The following TPST1 variants were observed in gnomAD, a reference collection of about 807,000 sequenced individuals.
The protein encoded by TPST1 is tyrosylprotein sulfotransferase 1.
Under a neutral mutation model 34.8 loss-of-function variants are expected in TPST1, and 20 were observed. That is an observed-to-expected ratio of 0.57 (90% CI 0.40 to 0.84). TPST1 has a LOEUF of 0.84. Among genes scored for constraint, TPST1 ranks in the 40% least tolerant of loss-of-function variants. The pLI, the probability that TPST1 is intolerant of heterozygous loss-of-function variation, is 0.00. For synonymous variants in TPST1, 152 were observed against 159.4 expected, an observed-to-expected ratio of 0.95 and a Z score of 0.35; for missense variants, 353 against 455.5, an observed-to-expected ratio of 0.78 and a Z score of 2.05.
rs1382213213 is a variant in TPST1, at chr7:66,280,343, A to G, written c.846-6168A>G. ...GCCAGATCTTGGGCCATCTTCTTGT[A>G]GGTCATGGGTCTGACACACATGGTT... On this transcript the variant is annotated intron_variant, in intron 2 of 5. Transcript: ENST00000304842. Among the ~76,000 whole-genome samples, 5 of 152,202 alleles carry G rather than the reference A, an allele frequency of 3.3e-5. No individual in the cohort carries two copies. In the South Asian group the frequency reaches 1.0e-3, roughly 31 times the overall value.
chr7:66,241,108 A>G lies in TPST1; in HGVS notation c.683A>G (p.Glu228Gly). Residue 228 changes from glutamate to glycine, a missense_variant, in exon 2 of 6, where the codon GAG (glutamate) becomes GGG (glycine). By Grantham distance (98) the Glu-to-Gly change is moderately conservative. Coordinates refer to ENST00000304842, the MANE Select transcript of TPST1 (RefSeq NM_003596.4). ...AIETMYNQCM[E>G]VGYKKCMLVH... ...GAGACCATGTATAACCAGTGTATGG[A>G]GGTTGGTTATAAAAAGTGCATGTTG... 1 of 1,614,114 alleles carries G rather than the reference A, an allele frequency of 6.2e-7. No homozygotes were observed. The highest frequency in any genetic ancestry group is 1.7e-5 in the Admixed American group (1 of 60,010).
At chr7:66,340,761 G>T (rs1584253770) in intron 3 of TPST1, among the ~76,000 whole-genome samples, 1 of 152,156 alleles carries the variant, frequency 6.6e-6, no homozygotes, top group South Asian at 2.1e-4. Context: ...AAAATGAAAA[G>T]ATACTTCATA....
intron 1 of TPST1, among the ~76,000 whole-genome samples, chr7:66,228,729 C>G (rs1789715857): frequency 6.6e-6 from 1 of 152,054 alleles, no homozygotes; most frequent in South Asian, 2.1e-4. Flanking sequence ...AGGATCATTC[C>G]TCTGCTATAA....
intron 1 of TPST1, among the ~76,000 whole-genome samples, chr7:66,207,151 T>C (rs1319287858): frequency 6.6e-6 from 1 of 152,202 alleles, no homozygotes; most frequent in Non-Finnish European, 1.5e-5. Context: ...ATAACTAAAC[T>C]GCTGGGTGCT....
intron 3 of TPST1, among the ~76,000 whole-genome samples, chr7:66,299,802 TA>T (rs1379414553): frequency 6.6e-6 from 1 of 152,200 alleles, no homozygotes; most frequent in Non-Finnish European, 1.5e-5. Flanking sequence ...AACATATTCA[TA>T]ATAACTTTTA....
chr7:66,346,683 G>T (rs112688406), intron 3 of TPST1, among the ~76,000 whole-genome samples: 1 of 151,934 alleles, frequency 6.6e-6, no homozygotes, highest in East Asian at 1.9e-4. Flanking sequence ...TGTATTATTC[G>T]ATTTTTTATT....
At chr7:66,286,939 G>T (rs1449968685) in intron 3 of TPST1, among the ~76,000 whole-genome samples, 1 of 137,976 alleles carries the variant, frequency 7.2e-6, no homozygotes, top group Non-Finnish European at 1.6e-5. Context: ...GTGCCATGCT[G>T]GTGCGCTGCA....
chr7:66,244,018 G>A (rs1258393531), intron 2 of TPST1, among the ~76,000 whole-genome samples: 2 of 146,940 alleles, frequency 1.4e-5, no homozygotes, highest in Non-Finnish European at 3.0e-5. Flanking sequence ...GCATGATCTC[G>A]GCTCACTGCG....
chr7:66,347,993 A>C (rs1792389947), intron 3 of TPST1, among the ~76,000 whole-genome samples: 1 of 152,192 alleles, frequency 6.6e-6, no homozygotes, highest in African/African-American at 2.4e-5. Flanking sequence ...TAAGACTTAC[A>C]GAATGAAATA....
intron 3 of TPST1, among the ~76,000 whole-genome samples, chr7:66,348,201 T>C (rs942512383): frequency 2.0e-5 from 3 of 152,136 alleles, no homozygotes; most frequent in African/African-American, 7.2e-5. Flanking sequence ...TCTATTTCTA[T>C]CTCCTTGGTC....
intron 2 of TPST1, among the ~76,000 whole-genome samples, chr7:66,265,279 G>C (rs927954172): frequency 1.3e-5 from 2 of 152,198 alleles, no homozygotes; most frequent in African/African-American, 2.4e-5. Flanking sequence ...GCCAGGTGCA[G>C]TGGCTCATGC....
At chr7:66,216,385 T>A (rs1303868585) in intron 1 of TPST1, among the ~76,000 whole-genome samples, 1 of 149,450 alleles carries the variant, frequency 6.7e-6, no homozygotes, top group Non-Finnish European at 1.5e-5. Flanking sequence ...TTTTGTTGAT[T>A]TTCTCTGTTC....
intron 5 of TPST1, among the ~76,000 whole-genome samples, chr7:66,358,574 G>A (rs750106059): frequency 1.4e-4 from 21 of 152,122 alleles, no homozygotes; most frequent in Non-Finnish European, 2.2e-4. Context: ...CTTGCGGTGC[G>A]TTGATGGATT....
At chr7:66,259,089 TG>T (rs1251075881) in intron 2 of TPST1, among the ~76,000 whole-genome samples, 1 of 152,222 alleles carries the variant, frequency 6.6e-6, no homozygotes, top group African/African-American at 2.4e-5. Context: ...GTCATTTCTC[TG>T]ACCACTTTAA....
intron 3 of TPST1, among the ~76,000 whole-genome samples, chr7:66,336,346 T>C (rs1584250453): frequency 6.8e-6 from 1 of 146,284 alleles, no homozygotes. Flanking sequence ...CACAAGAAAA[T>C]AGAGATAGAA....
At chr7:66,328,870 CTCTCTCTCTCTCTCTCTA>C (rs1329893539) in intron 3 of TPST1, among the ~76,000 whole-genome samples, 2 of 22,620 alleles carry the variant, frequency 8.8e-5, no homozygotes, top group East Asian at 7.4e-4. Context: ...CTCTCTCTCT[CTCTCTCTCTCTCTCTCTA>C]TATATATATA....
chr7:66,334,999 T>C (rs1792068018), intron 3 of TPST1, among the ~76,000 whole-genome samples: 1 of 152,150 alleles, frequency 6.6e-6, no homozygotes, highest in South Asian at 2.1e-4. Context: ...ATATGGATCT[T>C]GCAGCTACTC....
At position 66,215,625 on chromosome 7, in the gene TPST1, C is replaced by T. The variant is rs538574375; in HGVS notation, c.-102+10103C>T. Among the ~76,000 whole-genome samples the T allele has an allele frequency of 2.2e-3, 326 of 151,130 alleles. 2 individuals carry two copies. The highest frequency in any genetic ancestry group is 7.7e-3 in the African/African-American group (318 of 41,234). On this transcript the variant is annotated intron_variant, in intron 1 of 5. Transcript: ENST00000304842. ...TCCTGACCTCGTGATCCGCCCGCGT[C>T]GGCCTCCAAAGTGCTGGGATTACAG... is the stretch of plus-strand genomic sequence containing the variant.
At chr7:66,284,759 G>A (rs931018112) in intron 2 of TPST1, among the ~76,000 whole-genome samples, 3 of 151,992 alleles carry the variant, frequency 2.0e-5, no homozygotes, top group African/African-American at 7.3e-5. Context: ...ATTTCGCCAT[G>A]TTGGCCAGGA....
Sources: allele counts gnomAD v4.1 joint callset (sites outside exome capture counted in the v4.1 genomes callset), GRCh38; gene constraint gnomAD v4.1.1; transcripts MANE v1.5; gene names NCBI Gene and HGNC (gene_info 2026-07-23, HGNC 2026-07-21).